The following ZFYVE21 variants were observed in gnomAD, a reference collection of about 807,000 sequenced individuals.
The protein encoded by ZFYVE21 is zinc finger FYVE domain-containing protein 21.
A neutral mutation model predicts 29.5 loss-of-function variants in ZFYVE21; 21 were observed. That is an observed-to-expected ratio of 0.71 (90% CI 0.50 to 1.02). ZFYVE21 has a LOEUF of 1.02. Among genes scored for constraint, ZFYVE21 ranks in the 50% least tolerant of loss-of-function variants. The probability of loss-of-function intolerance (pLI) is 0.00; values close to 1 mark genes in which losing one functional copy is unlikely to be tolerated. For missense variants in ZFYVE21, 326 were observed against 335.4 expected (o/e 0.97, Z 0.22); for synonymous variants, 151 against 133.8 (o/e 1.13, Z -0.89).
At chr14:103,732,896 C>T in intron 6 of ZFYVE21, 87 bp from the exon 7 acceptor site, 1 of 1,605,888 alleles carries the variant, frequency 6.2e-7, no homozygotes, top group Non-Finnish European at 8.5e-7. Flanking sequence ...GGTGCCCACG[C>T]CATCTCCCCT....
rs758803674 is a variant in ZFYVE21, at chr14:103,732,737, T to A, written c.644T>A (p.Val215Glu). 3.1e-6 allele frequency: 5 copies of A among 1,612,922 alleles called. No individual in the cohort carries two copies. In the South Asian group the frequency reaches 4.4e-5, roughly 14 times the overall value. The change falls in exon 6 of 7, where the codon GTG (valine) becomes GAG (glutamate). Residue 215 changes from valine to glutamate, a missense_variant. Physicochemically the swap from Val to Glu is moderately radical, Grantham distance 121. Coordinates refer to ENST00000311141, the MANE Select transcript of ZFYVE21 (RefSeq NM_024071.4). ...GTGACTGTGGGCAGGAGGCAGGCGG[T>A]GGCGTGGCTAGTGGCCATGCACAAG... Reference protein sequence around the residue: ...EDVTVGRRQAVAWLVAMHKAA... With the variant: ...EDVTVGRRQAEAWLVAMHKAA...
intron 3 of ZFYVE21, chr14:103,728,671 G>T: frequency 4.0e-6 from 2 of 496,806 alleles, no homozygotes; most frequent in Non-Finnish European, 7.2e-6. Context: ...AGAATTTCTA[G>T]GAGCTTTGTA....
chr14:103,727,535 T>C, intron 2 of ZFYVE21: 1 of 711,954 alleles, frequency 1.4e-6, no homozygotes. Context: ...TCCATGATTT[T>C]GAAAAAAGGG....
intron 5 of ZFYVE21, chr14:103,730,417 CCAGGCACCCCT>C (rs2083963290): frequency 1.3e-5 from 2 of 153,030 alleles, no homozygotes; most frequent in Non-Finnish European, 2.9e-5. Context: ...GGGGGTCACC[CCAGGCACCCCT>C]CTCTGCCTGC....
intron 5 of ZFYVE21, chr14:103,729,660 G>A (rs770882454): frequency 2.4e-5 from 27 of 1,139,040 alleles, no homozygotes; most frequent in Admixed American, 8.9e-5. Flanking sequence ...CTGCTGACGG[G>A]GAGCTCGCAT....
chr14:103,730,380 G>T (rs1173087118), intron 5 of ZFYVE21: 2 of 153,394 alleles, frequency 1.3e-5, no homozygotes, highest in African/African-American at 4.8e-5. Flanking sequence ...TAGATGCCCA[G>T]GTGCAAAGGG....
At chr14:103,721,102 A>T (rs563004155) in intron 1 of ZFYVE21, among the ~76,000 whole-genome samples, 45 of 152,204 alleles carry the variant, frequency 3.0e-4, no homozygotes, top group Non-Finnish European at 2.9e-5. Flanking sequence ...CTGGGATTAC[A>T]GGTGTGGCCA....
intron 5 of ZFYVE21, chr14:103,732,130 C>T (rs2083983173): frequency 6.5e-6 from 1 of 152,830 alleles, no homozygotes; most frequent in South Asian, 2.1e-4. Flanking sequence ...ATGGCTGAGG[C>T]CTCTGACTCC....
chr14:103,721,626 C>T (rs549467449), intron 1 of ZFYVE21, among the ~76,000 whole-genome samples: 127 of 152,318 alleles, frequency 8.3e-4, no homozygotes, highest in African/African-American at 2.7e-3. Context: ...TTGGCTTGGG[C>T]AAGAGGGTCA....
At position 103,733,617 on chromosome 14, in the gene ZFYVE21, A is replaced by G. The variant is rs45614733; in HGVS notation, c.*599A>G. 6.5e-6 allele frequency: 1 copy of G among 152,922 alleles called. No individual in the cohort carries two copies. The highest frequency in any genetic ancestry group is 2.4e-5 in the African/African-American group (1 of 41,470). The allele number at this position is 152,922 out of a possible 1,614,324, so 9.5% of individuals were successfully genotyped here. ...TATTTCACTTTATTAAGATGACTGT[A>G]CAGCAATTTGTATATAAAGCTTATG... On this transcript the variant is annotated 3_prime_UTR_variant, in exon 7 of 7. Coordinates refer to ENST00000311141, the MANE Select transcript of ZFYVE21 (RefSeq NM_024071.4).
At chr14:103,717,047 G>A (rs1219260746) in intron 1 of ZFYVE21, among the ~76,000 whole-genome samples, 8 of 152,222 alleles carry the variant, frequency 5.3e-5, no homozygotes, top group Admixed American at 4.6e-4. Flanking sequence ...CTAATTGACT[G>A]GGTTCATTGA....
At chr14:103,732,480 T>C in intron 5 of ZFYVE21, 140 bp from the exon 6 acceptor site, 3 of 1,047,958 alleles carry the variant, frequency 2.9e-6, no homozygotes, top group Non-Finnish European at 4.0e-6. Flanking sequence ...CCCTGGGTGC[T>C]CCTGAGCACC....
At position 103,733,166 on chromosome 14, in the gene ZFYVE21, T is replaced by C; in HGVS notation, c.*148T>C. On this transcript the variant is annotated 3_prime_UTR_variant, in exon 7 of 7. Coordinates refer to ENST00000311141, the MANE Select transcript of ZFYVE21 (RefSeq NM_024071.4). ...TCATGTATTTGGAGAAACAGGAGTG[T>C]TCACTTATCTAGTGCAATATGTTCA... The C allele has an allele frequency of 1.1e-6, 1 of 939,116 alleles. No homozygotes were observed. The highest frequency in any genetic ancestry group is 1.7e-5 in the South Asian group (1 of 60,488). The allele number at this position is 939,116 out of a possible 1,614,324, so 58.2% of individuals were successfully genotyped here. A position where few individuals can be genotyped will look rare whatever the true frequency, so the allele number is the denominator to read the frequency against.
intron 2 of ZFYVE21, 105 bp downstream of exon 2, chr14:103,726,947 CGT>C: frequency 7.4e-6 from 5 of 679,996 alleles, no homozygotes; most frequent in Non-Finnish European, 1.1e-5. Flanking sequence ...TCTTATGGCT[CGT>C]TTTTTTTTTT....
intron 3 of ZFYVE21, 115 bp downstream of exon 3, chr14:103,728,029 T>G (rs2083944806): frequency 2.7e-6 from 3 of 1,099,814 alleles, no homozygotes; most frequent in Non-Finnish European, 2.5e-6. Flanking sequence ...TCTCTCGCCC[T>G]CCCTCCCTTC....
chr14:103,731,779 G>A (rs980817673), intron 5 of ZFYVE21: 2 of 152,270 alleles, frequency 1.3e-5, no homozygotes, highest in South Asian at 4.1e-4. Context: ...TGATGGAGGG[G>A]TCTCCTGAGA....
At chr14:103,719,723 G>T (rs1264416675) in intron 1 of ZFYVE21, among the ~76,000 whole-genome samples, 1 of 152,092 alleles carries the variant, frequency 6.6e-6, no homozygotes, top group Non-Finnish European at 1.5e-5. Context: ...GGTGCCAGGG[G>T]CTGCCAGAGC....
At chr14:103,718,670 G>T (rs1322385579) in intron 1 of ZFYVE21, among the ~76,000 whole-genome samples, 1 of 152,214 alleles carries the variant, frequency 6.6e-6, no homozygotes, top group East Asian at 1.9e-4. Flanking sequence ...GGGCTTGGGG[G>T]TGGGCGGTCC....
intron 1 of ZFYVE21, among the ~76,000 whole-genome samples, chr14:103,717,747 C>A (rs558444823): frequency 1.3e-5 from 2 of 152,226 alleles, no homozygotes; most frequent in Non-Finnish European, 2.9e-5. Context: ...GGATGATTAA[C>A]TGGGATCTGA....
Sources: gnomAD v4.1 joint callset for allele counts (sites outside exome capture counted in the v4.1 genomes callset) on GRCh38, gnomAD v4.1.1 for gene constraint, MANE v1.5 for transcripts, NCBI Gene and HGNC (gene_info 2026-07-23, HGNC 2026-07-21) for gene names.